SYNPR: variants seen among roughly 807,000 people sequenced by gnomAD.
The protein encoded by SYNPR is synaptoporin.
Under a neutral mutation model 32.9 loss-of-function variants are expected in SYNPR, and 23 were observed. That is an observed-to-expected ratio of 0.70 (90% CI 0.50 to 0.99). The LOEUF (loss-of-function observed/expected upper bound fraction) is 0.99. Ranked by LOEUF, SYNPR falls within the 50% of genes least tolerant of loss-of-function variation. SYNPR has a pLI of 0.00. For missense variants in SYNPR, 318 were observed against 349.3 expected (o/e 0.91, Z 0.71); for synonymous variants, 146 against 135.9 (o/e 1.07, Z -0.52).
the SYNPR span, among the ~76,000 whole-genome samples, chr3:63,222,017 T>TTTTTTTTTTTTTTTTTTTTG: frequency 7.6e-6 from 1 of 131,410 alleles, no homozygotes; most frequent in East Asian, 2.1e-4. Context: ...CTCAATTTTT[T>TTTTTTTTTTTTTTTTTTTTG]TTTTTTTTTT....
intron 3 of SYNPR, among the ~76,000 whole-genome samples, chr3:63,551,684 C>T (rs773204082): frequency 6.6e-4 from 101 of 152,096 alleles, no homozygotes; most frequent in Non-Finnish European, 1.2e-3. Flanking sequence ...TGGGTAATTC[C>T]TATTATCTTT....
At chr3:63,551,150 T>C (rs184808545) in intron 3 of SYNPR, among the ~76,000 whole-genome samples, 2 of 152,356 alleles carry the variant, frequency 1.3e-5, no homozygotes, top group African/African-American at 2.4e-5. Flanking sequence ...CTAAACACTT[T>C]ATAGAAATGG....
intron 2 of SYNPR, among the ~76,000 whole-genome samples, chr3:63,420,101 A>G (rs1386270124): frequency 2.0e-5 from 3 of 152,200 alleles, no homozygotes; most frequent in African/African-American, 4.8e-5. Context: ...ATATAACATG[A>G]TCATGGATGA....
intron 3 of SYNPR, among the ~76,000 whole-genome samples, chr3:63,511,137 CATGGACCCTGAGTACTGGGAA>C (rs1701691625): frequency 1.7e-5 from 1 of 59,046 alleles, no homozygotes; most frequent in Non-Finnish European, 4.4e-5. Context: ...TATTGGGAAT[CATGGACCCTGAGTACTGGGAA>C]TCATGGGCCT....
At chr3:63,416,285 C>A (rs2088537109) in intron 2 of SYNPR, among the ~76,000 whole-genome samples, 1 of 152,176 alleles carries the variant, frequency 6.6e-6, no homozygotes, top group Non-Finnish European at 1.5e-5. Flanking sequence ...AATCCCAGCA[C>A]TTTGGGAGGC....
chr3:63,305,628 A>C (rs933864861), intron 2 of SYNPR, among the ~76,000 whole-genome samples: 1 of 151,960 alleles, frequency 6.6e-6, no homozygotes, highest in African/African-American at 2.4e-5. Flanking sequence ...TCACCGCCAG[A>C]AATTCTGATT....
chr3:63,346,764 C>T (rs143234564), intron 2 of SYNPR, among the ~76,000 whole-genome samples: 7 of 152,304 alleles, frequency 4.6e-5, no homozygotes, highest in Non-Finnish European at 1.0e-4. Flanking sequence ...AGCCACCACA[C>T]CCAGCTAATT....
chr3:63,265,906 C>T (rs191040086), intron 2 of SYNPR, among the ~76,000 whole-genome samples: 2 of 152,342 alleles, frequency 1.3e-5, no homozygotes, highest in African/African-American at 4.8e-5. Context: ...TCCATGTCCA[C>T]TTAATGGATT....
chr3:63,343,510 A>T, intron 2 of SYNPR, among the ~76,000 whole-genome samples: 1 of 152,142 alleles, frequency 6.6e-6, no homozygotes, highest in Non-Finnish European at 1.5e-5. Flanking sequence ...GCCTCTATCC[A>T]TGTTTGCCCT....
intron 2 of SYNPR, among the ~76,000 whole-genome samples, chr3:63,398,235 C>T (rs764505706): frequency 6.6e-6 from 1 of 152,008 alleles, no homozygotes; most frequent in Non-Finnish European, 1.5e-5. Flanking sequence ...ATAGATAGAG[C>T]GTAAGAGCTG....
chr3:63,476,111 GAGGAAGGA>G lies in SYNPR; in HGVS notation c.85-4689_85-4682del, dbSNP rs765639648. On this transcript the variant is annotated intron_variant, in intron 2 of 5. Coordinates refer to ENST00000478300, the MANE Select transcript of SYNPR (RefSeq NM_001130003.2). ...GGGAGGGAGGGAGGAAGGGAGGGGGGAGGAAGGAAGGAAGGAAGGAAGGAAGGAAGGAA... is the reference window on the plus strand; with the variant it reads ...GGGAGGGAGGGAGGAAGGGAGGGGGGAGGAAGGAAGGAAGGAAGGAAGGAA... 9.5e-3 allele frequency among the ~76,000 whole-genome samples: 646 copies of G among 67,672 alleles called. 25 individuals carry two copies. Among genetic ancestry groups the G allele is most frequent in the African/African-American group, 0.031 (334 of 10,680 alleles). 44.4% of individuals were successfully genotyped at this position (67,672 alleles called of 152,430 possible). A position where few individuals can be genotyped will look rare whatever the true frequency, so the allele number is the denominator to read the frequency against.
At chr3:63,316,194 T>C (rs905250330) in intron 2 of SYNPR, among the ~76,000 whole-genome samples, 4 of 152,002 alleles carry the variant, frequency 2.6e-5, no homozygotes, top group African/African-American at 9.7e-5. Flanking sequence ...TCTGTAATTT[T>C]CTTTTTTGGT....
intron 2 of SYNPR, among the ~76,000 whole-genome samples, chr3:63,454,502 A>G (rs1700441531): frequency 6.6e-6 from 1 of 152,176 alleles, no homozygotes; most frequent in South Asian, 2.1e-4. Context: ...TACTAACAAT[A>G]GCCCCATGAA....
chr3:63,366,933 G>A (rs2087734781), intron 2 of SYNPR, among the ~76,000 whole-genome samples: 1 of 152,208 alleles, frequency 6.6e-6, no homozygotes, highest in African/African-American at 2.4e-5. Context: ...ATAAACATTA[G>A]CTGATAGACC....
intron 3 of SYNPR, among the ~76,000 whole-genome samples, chr3:63,271,276 A>G (rs1167620844): frequency 1.3e-5 from 2 of 152,154 alleles, no homozygotes; most frequent in African/African-American, 4.8e-5. Context: ...CAGCTATGTG[A>G]AAGAACTTAG....
At chr3:63,607,956 C>T (rs1472512933) in intron 4 of SYNPR, among the ~76,000 whole-genome samples, 1 of 152,126 alleles carries the variant, frequency 6.6e-6, no homozygotes, top group Non-Finnish European at 1.5e-5. Context: ...AAATTTTCTA[C>T]TTGAGGAGGT....
At chr3:63,589,595 A>G (rs1041849451) in intron 4 of SYNPR, among the ~76,000 whole-genome samples, 20 of 151,064 alleles carry the variant, frequency 1.3e-4, no homozygotes, top group Non-Finnish European at 2.4e-4. Context: ...CACATCAAAA[A>G]GCTTATCCAC....
intron 2 of SYNPR, among the ~76,000 whole-genome samples, chr3:63,362,685 G>A (rs2087676587): frequency 6.6e-6 from 1 of 152,158 alleles, no homozygotes; most frequent in Non-Finnish European, 1.5e-5. Context: ...CATGCTGACA[G>A]GGAGGCCTAA....
intron 3 of SYNPR, among the ~76,000 whole-genome samples, chr3:63,268,149 C>T (rs1445444549): frequency 6.6e-6 from 1 of 152,006 alleles, no homozygotes; most frequent in Non-Finnish European, 1.5e-5. Flanking sequence ...GGGAAGTCCC[C>T]AAAGACAGCC....
Sources: gnomAD v4.1 joint callset for allele counts (sites outside exome capture counted in the v4.1 genomes callset) on GRCh38, gnomAD v4.1.1 for gene constraint, MANE v1.5 for transcripts, NCBI Gene and HGNC (gene_info 2026-07-23, HGNC 2026-07-21) for gene names.